Variants in ANKRD29 observed in about 807,000 individuals in gnomAD.
ANKRD29 encodes the protein ankyrin repeat domain-containing protein 29.
ANKRD29 carries 32 observed loss-of-function variants against 38.0 expected under a neutral mutation model. The ratio of observed to expected loss-of-function variants is 0.84; its 90% CI spans 0.64 to 1.13. The LOEUF is 1.13. Ranked by LOEUF, ANKRD29 falls within the 50% of genes most tolerant of loss-of-function variation. The probability of loss-of-function intolerance (pLI) is 0.00; values close to 1 mark genes in which losing one functional copy is unlikely to be tolerated. For missense variants in ANKRD29, 357 were observed against 377.9 expected, an observed-to-expected ratio of 0.94 and a Z score of 0.46; for synonymous variants, 135 against 152.4, an observed-to-expected ratio of 0.89 and a Z score of 0.84.
At chr18:23,626,642 T>C (rs1381140064) in intron 6 of ANKRD29, among the ~76,000 whole-genome samples, 5 of 152,240 alleles carry the variant, frequency 3.3e-5, no homozygotes, top group African/African-American at 1.2e-4. Context: ...ATCAAGAACA[T>C]AGTCTTCCTA....
chr18:23,641,764 C>T (rs192912022), intron 3 of ANKRD29, among the ~76,000 whole-genome samples: 11 of 152,352 alleles, frequency 7.2e-5, no homozygotes, highest in East Asian at 3.9e-4. Context: ...AAAGATGTCC[C>T]GACTACCAGC....
intron 8 of ANKRD29, among the ~76,000 whole-genome samples, chr18:23,614,726 A>C (rs2059689252): frequency 6.6e-6 from 1 of 151,750 alleles, no homozygotes; most frequent in African/African-American, 2.4e-5. Flanking sequence ...TCATTAGGGC[A>C]GGGGAGAGAG....
intron 3 of ANKRD29, among the ~76,000 whole-genome samples, chr18:23,640,619 C>T (rs1336751585): frequency 1.3e-5 from 2 of 152,134 alleles, no homozygotes; most frequent in African/African-American, 4.8e-5. Context: ...CTGATCATGA[C>T]ATTCTGAGAC....
rs772817461 is a variant in ANKRD29, at chr18:23,632,531, G to GTATATATA, written c.429+1519_429+1520insTATATATA. On this transcript the variant is annotated intron_variant, in intron 5 of 9. Transcript: ENST00000592179. ...TCCTATTCAGTGTGTGTGTGTGTGT[G>GTATATATA]TGTATATATATATATATTACACACT... is the stretch of plus-strand genomic sequence containing the variant. Among the ~76,000 whole-genome samples the GTATATATA allele has an allele frequency of 9.8e-3, 1,240 of 126,748 alleles. 43 individuals carry two copies. Among genetic ancestry groups the GTATATATA allele is most frequent in the African/African-American group, 0.026 (775 of 30,196 alleles). 83.2% of individuals were successfully genotyped at this position (126,748 alleles called of 152,430 possible).
chr18:23,603,865 C>A (rs374943071), intron 9 of ANKRD29, among the ~76,000 whole-genome samples: 17 of 149,642 alleles, frequency 1.1e-4, no homozygotes, highest in Non-Finnish European at 1.6e-4. Context: ...TTTTTTAAGA[C>A]GGAGTCTCAC....
At chr18:23,629,177 G>A (rs748751902) in intron 6 of ANKRD29, among the ~76,000 whole-genome samples, 1 of 152,196 alleles carries the variant, frequency 6.6e-6, no homozygotes, top group Non-Finnish European at 1.5e-5. Flanking sequence ...TAGAGACGGG[G>A]TTTCATCATG....
chr18:23,648,417 G>C (rs2060167534), intron 2 of ANKRD29: 1 of 153,042 alleles, frequency 6.5e-6, no homozygotes, highest in Non-Finnish European at 1.5e-5. Context: ...AAGCTCCTTT[G>C]AAACATTTTT....
At chr18:23,636,596 G>A (rs538324135) in intron 4 of ANKRD29, among the ~76,000 whole-genome samples, 6 of 151,416 alleles carry the variant, frequency 4.0e-5, no homozygotes, top group Admixed American at 2.0e-4. Context: ...ATTTTTTTTA[G>A]ACAGGGTTTC....
In ANKRD29 at chr18:23,619,649, C is replaced by T. The variant is rs1216282365; in HGVS notation, c.529-20G>A. 1.3e-6 allele frequency: 2 copies of T among 1,527,634 alleles called. No individual in the cohort carries two copies. Among genetic ancestry groups the T allele is most frequent in the Non-Finnish European group, 8.7e-7 (1 of 1,150,542 alleles). The allele number at this position is 1,527,634 out of a possible 1,614,324, so 94.6% of individuals were successfully genotyped here. ...CCCGTCCTGCGGGAAGAGGAGGCGG[C>T]GGCCGCCGTGACTGGGGCGCCCGGC... On this transcript the variant is annotated intron_variant, in intron 6 of 9. Transcript: ENST00000592179.
chr18:23,653,103 T>C (rs927118037), intron 1 of ANKRD29, among the ~76,000 whole-genome samples: 4 of 152,218 alleles, frequency 2.6e-5, no homozygotes, highest in African/African-American at 9.6e-5. Flanking sequence ...GGCTACACCA[T>C]AGAGCCTAGA....
chr18:23,634,065 G>A lies in ANKRD29; in HGVS notation c.415C>T (p.His139Tyr), dbSNP rs1342095810. 1.2e-6 allele frequency: 2 copies of A among 1,614,018 alleles called. No individual in the cohort carries two copies. The highest frequency in any genetic ancestry group is 1.7e-5 in the Admixed American group (1 of 59,994). The part of the protein sequence containing the change: ...ETLLKHGANI[H>Y]DQLYDGATAL... ...AATGCACTCACATAAAGTTGGTCAT[G>A]GATGTTTGCTCCGTGCTTCAGCAAG... The change falls in exon 5 of 10, where the codon CAT (histidine) becomes TAT (tyrosine). Residue 139 changes from histidine (H) to tyrosine (Y), a missense_variant. Physicochemically the swap from His to Tyr is moderately conservative, Grantham distance 83. Coordinates refer to ENST00000592179, the MANE Select transcript of ANKRD29 (RefSeq NM_173505.4).
intron 1 of ANKRD29, among the ~76,000 whole-genome samples, chr18:23,652,913 A>G (rs2060227569): frequency 1.3e-5 from 2 of 152,264 alleles, no homozygotes; most frequent in Non-Finnish European, 2.9e-5. Flanking sequence ...ACAGTCATGT[A>G]ATATATAATG....
At chr18:23,621,193 T>C (rs925400917) in intron 6 of ANKRD29, among the ~76,000 whole-genome samples, 10 of 152,184 alleles carry the variant, frequency 6.6e-5, no homozygotes, top group South Asian at 4.1e-4. Context: ...CAGATAAGAC[T>C]GAATTACCCA....
chr18:23,632,282 A>G (rs569918048), intron 5 of ANKRD29, among the ~76,000 whole-genome samples: 6 of 152,108 alleles, frequency 3.9e-5, no homozygotes, highest in Admixed American at 3.9e-4. Context: ...TCCAAGATGA[A>G]CTACCCATGC....
chr18:23,638,618 T>G (rs2060033232), intron 4 of ANKRD29, among the ~76,000 whole-genome samples: 1 of 152,136 alleles, frequency 6.6e-6, no homozygotes, highest in Non-Finnish European at 1.5e-5. Context: ...TAGAAGTAAT[T>G]CCCCATAAAA....
At chr18:23,656,009 C>A (rs535772421) in intron 1 of ANKRD29, among the ~76,000 whole-genome samples, 2 of 147,094 alleles carry the variant, frequency 1.4e-5, no homozygotes, top group South Asian at 4.3e-4. Context: ...AGGAGAATGG[C>A]GTGAACCCGG....
intron 9 of ANKRD29, among the ~76,000 whole-genome samples, chr18:23,611,208 C>G (rs2059637580): frequency 6.6e-6 from 1 of 152,158 alleles, no homozygotes; most frequent in South Asian, 2.1e-4. Flanking sequence ...GTTAACAATA[C>G]AAAAGCAACC....
chr18:23,644,858 C>T (rs1165496536), intron 3 of ANKRD29, among the ~76,000 whole-genome samples: 1 of 152,172 alleles, frequency 6.6e-6, no homozygotes, highest in African/African-American at 2.4e-5. Context: ...TGTAGACCAC[C>T]ATGTCTGGCT....
intron 8 of ANKRD29, among the ~76,000 whole-genome samples, chr18:23,612,632 C>A (rs1258495962): frequency 6.6e-6 from 1 of 152,094 alleles, no homozygotes; most frequent in South Asian, 2.1e-4. Context: ...CCTGTCAGAC[C>A]AGCTACAGAC....
Sources: allele counts gnomAD v4.1 joint callset (sites outside exome capture counted in the v4.1 genomes callset), GRCh38; gene constraint gnomAD v4.1.1; transcripts MANE v1.5; gene names NCBI Gene and HGNC (gene_info 2026-07-23, HGNC 2026-07-21).